SCARB1: variants seen among roughly 807,000 people sequenced by gnomAD.
SCARB1 encodes scavenger receptor class B member 1, also known as CD36 and LIMPII analogous 1.
In SCARB1, 30 loss-of-function variants were observed where a neutral mutation model predicts 57.2. The ratio of observed to expected loss-of-function variants is 0.52; its 90% CI spans 0.39 to 0.71. The LOEUF (loss-of-function observed/expected upper bound fraction) is 0.71, where lower values mean the gene tolerates loss of function less well. Among genes scored for constraint, SCARB1 ranks in the 30% least tolerant of loss-of-function variants. The pLI is 0.00. For synonymous variants in SCARB1, 249 were observed against 268.3 expected, an observed-to-expected ratio of 0.93 and a Z score of 0.70; for missense variants, 543 against 671.2, an observed-to-expected ratio of 0.81 and a Z score of 2.11.
At chr12:124,787,095 C>T (rs1323893545) in intron 10 of SCARB1, among the ~76,000 whole-genome samples, 1 of 152,256 alleles carries the variant, frequency 6.6e-6, no homozygotes, top group Non-Finnish European at 1.5e-5. Flanking sequence ...ACCTTGGAAA[C>T]CAACTTCCCC....
intron 1 of SCARB1, among the ~76,000 whole-genome samples, chr12:124,856,723 G>T (rs1297893762): frequency 6.6e-6 from 1 of 152,224 alleles, no homozygotes; most frequent in Non-Finnish European, 1.5e-5. Flanking sequence ...CGCCCGGTAG[G>T]TGGAGACACT....
rs567463281 is a variant in SCARB1, at chr12:124,847,381, G to A, written c.126+16214C>T. On this transcript the variant is annotated intron_variant, in intron 1 of 12. Coordinates refer to ENST00000261693, the MANE Select transcript of SCARB1 (RefSeq NM_005505.5). ...CCTGCCTGCCAGGAGGCCAGACAGG[G>A]CCAAGATGATCTGGCACAAGAATTT... is the stretch of plus-strand genomic sequence containing the variant. Among the ~76,000 whole-genome samples, 52 of 152,330 alleles carry A rather than the reference G, an allele frequency of 3.4e-4. 1 individual carries two copies. The South Asian group carries it at 0.011, about 32-fold the overall frequency.
At position 124,796,403 on chromosome 12, in the gene SCARB1, C is replaced by CT. The variant is rs375977532; in HGVS notation, c.1129-1136dup. Among the ~76,000 whole-genome samples, 6,068 of 149,802 alleles carry CT rather than the reference C, an allele frequency of 0.041. 156 individuals are homozygous for CT. Among genetic ancestry groups the CT allele is most frequent in the Middle Eastern group, 0.091 (26 of 286 alleles). ...CTATACCCAGCTCTTTTTAACGAGA[C>CT]TTTTTTTTTTAAGTAAATAACCGAA... On this transcript the variant is annotated intron_variant, in intron 8 of 12. Coordinates refer to ENST00000261693, the MANE Select transcript of SCARB1 (RefSeq NM_005505.5). This position sits in a 1 kb window ranked among gnomAD's most constrained non-coding sequence, Gnocchi z 4.0.
At chr12:124,852,411 G>A (rs546277409) in intron 1 of SCARB1, among the ~76,000 whole-genome samples, 8 of 152,304 alleles carry the variant, frequency 5.3e-5, no homozygotes, top group African/African-American at 1.9e-4. Context: ...CTTACCCCTC[G>A]CTACAGCCCG....
In SCARB1 at chr12:124,817,417, C is replaced by A; in HGVS notation, c.284+133G>T. ...AACTTCTCTGGGACTAGCACTTACC[C>A]CGACTATGACTTGCCTGCTTCCGGA... On this transcript the variant is annotated intron_variant, in intron 2 of 12. Coordinates refer to ENST00000261693, the MANE Select transcript of SCARB1 (RefSeq NM_005505.5). The surrounding 1 kb of genome is among the most constrained non-coding windows in gnomAD (Gnocchi z 4.8). The A allele has an allele frequency of 1.2e-6, 1 of 861,198 alleles. No individual in the cohort carries two copies. Among genetic ancestry groups the A allele is most frequent in the South Asian group, 1.5e-5 (1 of 67,370 alleles). The allele number at this position is 861,198 out of a possible 1,614,324, so 53.3% of individuals were successfully genotyped here.
At chr12:124,829,365 C>T (rs775125170) in intron 1 of SCARB1, among the ~76,000 whole-genome samples, 3 of 152,276 alleles carry the variant, frequency 2.0e-5, no homozygotes, top group Non-Finnish European at 4.4e-5. Context: ...CCGCCCCGTT[C>T]TCCCCACAGA....
intron 1 of SCARB1, among the ~76,000 whole-genome samples, chr12:124,857,147 C>T (rs752057314): frequency 2.6e-5 from 4 of 152,180 alleles, no homozygotes; most frequent in Non-Finnish European, 2.9e-5. Context: ...GCCACCGGGA[C>T]CAGCTGTGGA....
intron 11 of SCARB1, chr12:124,783,157 A>G: frequency 3.5e-6 from 1 of 287,672 alleles, no homozygotes; most frequent in Non-Finnish European, 6.6e-6. Flanking sequence ...AACGAGGAAC[A>G]GATTGTTCTG....
At chr12:124,826,080 C>G (rs1951146165) in intron 1 of SCARB1, among the ~76,000 whole-genome samples, 2 of 151,986 alleles carry the variant, frequency 1.3e-5, no homozygotes, top group South Asian at 4.2e-4. Context: ...TGCCTGTAAT[C>G]CCAGCACTTT....
intron 12 of SCARB1, 107 bp from the exon 13 acceptor site, chr12:124,778,693 C>G: frequency 2.7e-6 from 3 of 1,130,064 alleles, no homozygotes; most frequent in Non-Finnish European, 2.3e-6. Context: ...AGAGACTCCA[C>G]CCCCGCCACC....
chr12:124,810,367 A>G lies in SCARB1; in HGVS notation c.727-78T>C. On this transcript the variant is annotated intron_variant, in intron 5 of 12. Transcript: ENST00000261693. The surrounding 1 kb of genome is among the most constrained non-coding windows in gnomAD (Gnocchi z 4.0). ...AAGCCCTCTCAGGTGCTGCACACCT[A>G]ACTCACCCTGGTGCACGCACGGCCA... 2.0e-6 allele frequency: 2 copies of G among 1,001,232 alleles called. No homozygotes were observed. Among genetic ancestry groups the G allele is most frequent in the South Asian group, 2.6e-5 (2 of 77,318 alleles). The allele number at this position is 1,001,232 out of a possible 1,614,324, so 62.0% of individuals were successfully genotyped here. A position where few individuals can be genotyped will look rare whatever the true frequency, so the allele number is the denominator to read the frequency against.
At position 124,800,745 on chromosome 12, in the gene SCARB1, G is replaced by A. The variant is rs1381140816; in HGVS notation, c.1010-503C>T. Among the ~76,000 whole-genome samples the A allele has an allele frequency of 6.6e-6, 1 of 152,190 alleles. No individual in the cohort carries two copies. The highest frequency in any genetic ancestry group is 1.5e-5 in the Non-Finnish European group (1 of 68,028). On this transcript the variant is annotated intron_variant, in intron 7 of 12. Transcript: ENST00000261693. The surrounding 1 kb of genome is among the most constrained non-coding windows in gnomAD (Gnocchi z 4.8). Reference sequence around the variant, plus strand: ...GCTCAGGTGTGTGCACCTGTGGCCAGATCTCCCTGCATCCACAGGAGTGTG... The same window carrying A: ...GCTCAGGTGTGTGCACCTGTGGCCAAATCTCCCTGCATCCACAGGAGTGTG...
Position 124,786,468 on chromosome 12 carries a change from G to C in SCARB1, c.1290C>G (p.Phe430Leu). 1 of 1,614,176 alleles carries C rather than the reference G, an allele frequency of 6.2e-7. No individual in the cohort carries two copies. The highest frequency in any genetic ancestry group is 1.1e-5 in the South Asian group (1 of 91,088). The change falls in exon 11 of 13, where the codon TTC becomes TTG. Residue 430 changes from phenylalanine (F) to leucine (L), a missense_variant. Physicochemically the swap from Phe to Leu is conservative, Grantham distance 22. Transcript: ENST00000261693. ...GAMEGETLHT[F>L]YTQLVLMPKV... ...TGGGCATCAACACCAGCTGAGTGTA[G>C]AATGTGTGAAGAGTCTCCCCCTCCA...
intron 9 of SCARB1, among the ~76,000 whole-genome samples, chr12:124,794,210 T>C (rs1302218863): frequency 6.6e-6 from 1 of 152,080 alleles, no homozygotes; most frequent in Non-Finnish European, 1.5e-5. Context: ...CCAAAATTGA[T>C]TGTGGTGATA....
chr12:124,833,990 G>A lies in SCARB1; in HGVS notation c.127-16283C>T, dbSNP rs534074116. Among the ~76,000 whole-genome samples, 8 of 152,374 alleles carry A rather than the reference G, an allele frequency of 5.3e-5. No individual in the cohort carries two copies. In the East Asian group the frequency reaches 5.8e-4, roughly 11 times the overall value. ...CTGAAAAGCAAGCCCTCTGGGCTGC[G>A]GACGTGCCCGTGCTGCCTGCACTGC... On this transcript the variant is annotated intron_variant, in intron 1 of 12. Coordinates refer to ENST00000261693, the MANE Select transcript of SCARB1 (RefSeq NM_005505.5).
At chr12:124,827,089 G>A (rs1951189204) in intron 1 of SCARB1, among the ~76,000 whole-genome samples, 1 of 152,116 alleles carries the variant, frequency 6.6e-6, no homozygotes, top group Admixed American at 6.5e-5. Flanking sequence ...TGTTCTCTCT[G>A]GCCCCACATC....
Position 124,832,557 on chromosome 12 carries a change from TA to T in SCARB1, c.127-14851del, listed in dbSNP as rs1951448501. On this transcript the variant is annotated intron_variant, in intron 1 of 12. Coordinates refer to ENST00000261693, the MANE Select transcript of SCARB1 (RefSeq NM_005505.5). ...ACTGTTCTAAAACAGAAAGTTATTT[TA>T]AAACAAGCAGGCTCTGTCGCGGCAA... Among the ~76,000 whole-genome samples the T allele has an allele frequency of 2.0e-5, 3 of 152,126 alleles. No homozygotes were observed. In the South Asian group the frequency reaches 6.2e-4, roughly 32 times the overall value.
intron 1 of SCARB1, among the ~76,000 whole-genome samples, chr12:124,854,463 G>T (rs1412488122): frequency 6.6e-6 from 1 of 152,206 alleles, no homozygotes; most frequent in Non-Finnish European, 1.5e-5. Flanking sequence ...GAGGTGCTAA[G>T]TGCAATCTTG....
At position 124,777,367 on chromosome 12, in the gene SCARB1, G is replaced by A. The variant is rs928885914; in HGVS notation, c.*1220C>T. Reference sequence around the variant, plus strand: ...CCATGCAAAAGTGGCAAAAGCGTCTGCACTGGGGGCTGTGGGATGGGACTC... The same window carrying A: ...CCATGCAAAAGTGGCAAAAGCGTCTACACTGGGGGCTGTGGGATGGGACTC... On this transcript the variant is annotated 3_prime_UTR_variant, in exon 13 of 13. Coordinates refer to ENST00000261693, the MANE Select transcript of SCARB1 (RefSeq NM_005505.5). 19 of 152,224 alleles carry A rather than the reference G, an allele frequency of 1.2e-4. No individual in the cohort carries two copies. The highest frequency in any genetic ancestry group is 1.2e-3 in the Admixed American group (19 of 15,272). The allele number at this position is 152,224 out of a possible 1,614,324, so 9.4% of individuals were successfully genotyped here. A position where few individuals can be genotyped will look rare whatever the true frequency, so the allele number is the denominator to read the frequency against.
Sources: gnomAD v4.1 joint callset for allele counts (sites outside exome capture counted in the v4.1 genomes callset) on GRCh38, gnomAD v4.1.1 for gene constraint, Gnocchi (gnomAD v3.1) non-coding constraint, MANE v1.5 for transcripts, NCBI Gene and HGNC (gene_info 2026-07-23, HGNC 2026-07-21) for gene names.